Variants in PLXNC1 observed in about 807,000 individuals in gnomAD.
PLXNC1 encodes the protein plexin C1.
In PLXNC1, 75 loss-of-function variants were observed where a neutral mutation model predicts 178.2. The ratio of observed to expected loss-of-function variants is 0.42; its 90% confidence interval spans 0.35 to 0.51. The LOEUF (loss-of-function observed/expected upper bound fraction) is 0.51. Among genes scored for constraint, PLXNC1 ranks in the 20% least tolerant of loss-of-function variants. PLXNC1 has a pLI of 0.02. For synonymous variants in PLXNC1, 790 were observed against 779.9 expected (o/e 1.01, Z -0.22); for missense variants, 1,503 against 1,984.4 (o/e 0.76, Z 4.61).
intron 2 of PLXNC1, among the ~76,000 whole-genome samples, chr12:94,177,133 ATATATGTGTGTGTG>A: frequency 1.3e-5 from 1 of 77,134 alleles, no homozygotes; most frequent in Admixed American, 1.3e-4. Flanking sequence ...GTGTGTGTAT[ATATATGTGTGTGTG>A]TGTATATATA....
intron 5 of PLXNC1, among the ~76,000 whole-genome samples, chr12:94,212,206 G>T (rs1382959560): frequency 6.8e-6 from 1 of 148,140 alleles, no homozygotes; most frequent in African/African-American, 2.5e-5. Context: ...CCCGGGAGGC[G>T]GAGCTTGCAG....
At chr12:94,239,742 C>G (rs150051199) in intron 10 of PLXNC1, among the ~76,000 whole-genome samples, 2,534 of 152,284 alleles carry the variant, frequency 0.017, 37 homozygotes, top group Middle Eastern at 0.044. Context: ...CAGGAGCACC[C>G]TGGACAGCCC....
chr12:94,239,632 T>C (rs1964327806), intron 10 of PLXNC1, among the ~76,000 whole-genome samples: 1 of 152,194 alleles, frequency 6.6e-6, no homozygotes, highest in Non-Finnish European at 1.5e-5. Context: ...CTTTAGAGGA[T>C]CATTGTAGAC....
In PLXNC1 at chr12:94,260,564, G is replaced by A; in HGVS notation, c.3252-78G>A. 6 of 1,018,924 alleles carry A rather than the reference G, an allele frequency of 5.9e-6. No homozygotes were observed. Among genetic ancestry groups the A allele is most frequent in the South Asian group, 4.2e-5 (3 of 70,712 alleles). 63.1% of individuals were successfully genotyped at this position (1,018,924 alleles called of 1,614,324 possible). A position where few individuals can be genotyped will look rare whatever the true frequency, so the allele number is the denominator to read the frequency against. ...AACAGGCCAGCTCCCTGCCCTGCCA[G>A]TGAGCTTCCATGGAAACTCCCATGG... On this transcript the variant is annotated intron_variant, in intron 19 of 30. Transcript: ENST00000258526. This position sits in a 1 kb window ranked among gnomAD's most constrained non-coding sequence, Gnocchi z 4.4.
chr12:94,188,616 G>A (rs185127856), intron 4 of PLXNC1, among the ~76,000 whole-genome samples: 32 of 152,308 alleles, frequency 2.1e-4, no homozygotes, highest in African/African-American at 7.5e-4. Context: ...GAGCCACCAC[G>A]CCCAGCCAGT....
At chr12:94,252,813 C>T (rs891171567) in intron 15 of PLXNC1, among the ~76,000 whole-genome samples, 1 of 152,196 alleles carries the variant, frequency 6.6e-6, no homozygotes, top group African/African-American at 2.4e-5. Flanking sequence ...ATCTATGTAC[C>T]TGATATCTGT....
At chr12:94,278,192 C>T (rs1966130741) in intron 21 of PLXNC1, 1 of 370,410 alleles carries the variant, frequency 2.7e-6, no homozygotes, top group Admixed American at 3.4e-5. Flanking sequence ...TTTTACATTC[C>T]CTCGTTAAGC....
chr12:94,282,040 T>C, intron 22 of PLXNC1: 1 of 390,978 alleles, frequency 2.6e-6, no homozygotes, highest in Non-Finnish European at 4.7e-6. Flanking sequence ...TCGTCCCTCA[T>C]AGAATGCATT....
intron 5 of PLXNC1, among the ~76,000 whole-genome samples, chr12:94,216,342 G>A (rs1243531004): frequency 6.6e-6 from 1 of 150,538 alleles, no homozygotes; most frequent in East Asian, 1.9e-4. Context: ...TCATCATAAT[G>A]TAATAACACT....
At chr12:94,162,834 C>A (rs1383108562) in intron 1 of PLXNC1, among the ~76,000 whole-genome samples, 1 of 152,132 alleles carries the variant, frequency 6.6e-6, no homozygotes, top group African/African-American at 2.4e-5. Flanking sequence ...AACCATGTCA[C>A]AGATTTCAGT....
chr12:94,173,947 C>T (rs528728317), intron 2 of PLXNC1, among the ~76,000 whole-genome samples: 4 of 152,264 alleles, frequency 2.6e-5, no homozygotes, highest in African/African-American at 7.2e-5. Context: ...CCCCAGTGGG[C>T]TCCTTTGTAG....
rs748433511 is a variant in PLXNC1, at chr12:94,259,633, T to A, written c.3150T>A (p.Asn1050Lys). ...AGAACAGAGACGCCAACGACAAGAA[T>A]GAAAGTCTCACAGCTTTGGATGCCC... ...DMHNRDANDK[N>K]ESLTALDALI... The change falls in exon 19 of 31, where the codon AAT becomes AAA. Residue 1050 changes from asparagine to lysine, a missense_variant. Asn to Lys is a moderately conservative substitution (Grantham distance 94, BLOSUM62 0). This residue lies in a region of PLXNC1 where 639 missense variants were observed against 979.7 expected (regional missense o/e 0.65). Coordinates refer to ENST00000258526, the MANE Select transcript of PLXNC1 (RefSeq NM_005761.3). 6 of 1,609,548 alleles carry A rather than the reference T, an allele frequency of 3.7e-6. No individual in the cohort carries two copies. The highest frequency in any genetic ancestry group is 8.5e-7 in the Non-Finnish European group (1 of 1,177,326).
intron 21 of PLXNC1, among the ~76,000 whole-genome samples, chr12:94,270,504 C>T (rs1019207137): frequency 6.6e-6 from 1 of 152,188 alleles, no homozygotes; most frequent in African/African-American, 2.4e-5. Flanking sequence ...TCTTTCCTCC[C>T]CTTCTGGGAC....
chr12:94,291,846 T>C (rs185087496), intron 23 of PLXNC1, among the ~76,000 whole-genome samples: 10 of 152,288 alleles, frequency 6.6e-5, no homozygotes, highest in East Asian at 1.9e-4. Flanking sequence ...TGGGCTTCTA[T>C]TGATCCCATC....
rs1456540874 is a variant in PLXNC1, at chr12:94,307,664, G to C, written c.*2379G>C. ...TCTATATCCAAAAAATAAACATTTT[G>C]ATGTAACTGTGGACTGTCTTTTTTT... On this transcript the variant is annotated 3_prime_UTR_variant, in exon 31 of 31. Coordinates refer to ENST00000258526, the MANE Select transcript of PLXNC1 (RefSeq NM_005761.3). 5 of 144,980 alleles carry C rather than the reference G, an allele frequency of 3.4e-5. No homozygotes were observed. The highest frequency in any genetic ancestry group is 1.3e-4 in the African/African-American group (5 of 39,564). 9.0% of individuals were successfully genotyped at this position (144,980 alleles called of 1,614,324 possible).
rs916048032 is a variant in PLXNC1, at chr12:94,305,619, G to A, written c.*334G>A. On this transcript the variant is annotated 3_prime_UTR_variant, in exon 31 of 31. Coordinates refer to ENST00000258526, the MANE Select transcript of PLXNC1 (RefSeq NM_005761.3). ...CACAATGATATAAGTGGTTTTGTTTGAAAACTACAGCTATGTAGCACTTGT... is the reference window on the plus strand; with the variant it reads ...CACAATGATATAAGTGGTTTTGTTTAAAAACTACAGCTATGTAGCACTTGT... The A allele has an allele frequency of 2.8e-5, 6 of 213,594 alleles. No individual in the cohort carries two copies. The highest frequency in any genetic ancestry group is 1.4e-4 in the African/African-American group (6 of 43,428). 13.2% of individuals were successfully genotyped at this position (213,594 alleles called of 1,614,324 possible). A position where few individuals can be genotyped will look rare whatever the true frequency, so the allele number is the denominator to read the frequency against.
At chr12:94,305,137 G>A (rs370268762) in intron 30 of PLXNC1, 44 bp from the exon 31 acceptor site, 37 of 1,320,526 alleles carry the variant, frequency 2.8e-5, no homozygotes, top group Middle Eastern at 3.6e-4. Flanking sequence ...GAATTGTAAC[G>A]CTAAAACCAC....
intron 9 of PLXNC1, among the ~76,000 whole-genome samples, chr12:94,237,162 C>T (rs1964265239): frequency 6.6e-6 from 1 of 152,128 alleles, no homozygotes; most frequent in African/African-American, 2.4e-5. Context: ...GAGGTTTTTC[C>T]CCCTGCAGTA....
chr12:94,190,061 G>T (rs1444964805), intron 4 of PLXNC1, among the ~76,000 whole-genome samples: 2 of 152,140 alleles, frequency 1.3e-5, no homozygotes, highest in Admixed American at 1.3e-4. Context: ...TCCAGAAGAG[G>T]CTGCAAGACA....
Sources: allele counts gnomAD v4.1 joint callset (sites outside exome capture counted in the v4.1 genomes callset), GRCh38; gene constraint gnomAD v4.1.1; regional missense constraint gnomAD v4.1.1; non-coding constraint Gnocchi (gnomAD v3.1); transcripts MANE v1.5; gene names NCBI Gene and HGNC (gene_info 2026-07-23, HGNC 2026-07-21).